The following BLACAT1 variants were observed in gnomAD, a reference collection of about 807,000 sequenced individuals.
BLACAT1 encodes the protein BLACAT1 overlapping LEMD1 locus.
At chr1:205,445,239 C>T (rs1408936463) in intron 1 of BLACAT1, among the ~76,000 whole-genome samples, 1 of 152,190 alleles carries the variant, frequency 6.6e-6, no homozygotes, top group African/African-American at 2.4e-5. Flanking sequence ...CACCCCTTCC[C>T]CCAAAGCCTA....
rs1666373173 is a variant in BLACAT1, at chr1:205,445,508, A to C, written c.-36-4446T>G. 3.3e-5 allele frequency among the ~76,000 whole-genome samples: 5 copies of C among 152,356 alleles called. No homozygotes were observed. The South Asian group carries it at 1.0e-3, about 32-fold the overall frequency. On this transcript the variant is annotated intron_variant, in intron 1 of 1. Coordinates refer to ENST00000629624, the Ensembl canonical transcript of BLACAT1. ...ATCACAGGCCAAGGCCTCTGCCTCC[A>C]ATGGCCTTCAGAGACCACAGACCCT...
intron 1 of BLACAT1, among the ~76,000 whole-genome samples, chr1:205,445,063 C>A (rs994954324): frequency 6.6e-6 from 1 of 152,164 alleles, no homozygotes; most frequent in Non-Finnish European, 1.5e-5. Flanking sequence ...TTCATCACTG[C>A]GAAGGGAAGC....
At chr1:205,447,053 C>T (rs773085766) in intron 1 of BLACAT1, among the ~76,000 whole-genome samples, 7 of 152,242 alleles carry the variant, frequency 4.6e-5, no homozygotes, top group Admixed American at 1.3e-4. Context: ...AACAACCTCC[C>T]GTCTGGGTAC....
intron 1 of BLACAT1, among the ~76,000 whole-genome samples, chr1:205,445,115 C>T (rs1337065302): frequency 2.0e-5 from 3 of 151,964 alleles, no homozygotes; most frequent in Non-Finnish European, 4.4e-5. Context: ...TTAGCTCGGG[C>T]GGTGGAGCAG....
At chr1:205,444,895 C>T (rs556235259) in intron 1 of BLACAT1, among the ~76,000 whole-genome samples, 26 of 151,606 alleles carry the variant, frequency 1.7e-4, no homozygotes, top group Admixed American at 1.6e-3. Context: ...TCCCCGCCAC[C>T]CCCCACCCCA....
chr1:205,439,445 C>A (rs559154470), downstream of BLACAT1, among the ~76,000 whole-genome samples: 5 of 152,362 alleles, frequency 3.3e-5, no homozygotes, highest in African/African-American at 1.2e-4. Flanking sequence ...CCAGGAAAGG[C>A]CCCTGAGTGT....
rs1275183131 is a variant in BLACAT1 at position 205,450,610 on chromosome 1, C to T, written c.-37+5307G>A. On this transcript the variant is annotated intron_variant, in intron 1 of 1. Coordinates refer to ENST00000629624, the Ensembl canonical transcript of BLACAT1. The surrounding 1 kb of genome is among the most constrained non-coding windows in gnomAD (Gnocchi z 4.4). ...CCTGGCCCCCTCCACCCACCCTCAC[C>T]CAGTCCTGCGCTCGGATTCCCAGCC... Among the ~76,000 whole-genome samples, 1 of 152,112 alleles carries T rather than the reference C, an allele frequency of 6.6e-6. No individual in the cohort carries two copies. Among genetic ancestry groups the T allele is most frequent in the Non-Finnish European group, 1.5e-5 (1 of 68,020 alleles).
At chr1:205,449,199 G>T (rs1276586173) in intron 1 of BLACAT1, among the ~76,000 whole-genome samples, 1 of 152,174 alleles carries the variant, frequency 6.6e-6, no homozygotes, top group Non-Finnish European at 1.5e-5. Flanking sequence ...TCTAGGACTG[G>T]ATTGAAGAGC....
At chr1:205,451,114 C>T (rs897094925) in intron 1 of BLACAT1, among the ~76,000 whole-genome samples, 2 of 152,178 alleles carry the variant, frequency 1.3e-5, no homozygotes, top group Non-Finnish European at 2.9e-5. Context: ...CCTCACAGGG[C>T]CACTGGAACA....
At chr1:205,453,426 C>G (rs953906437) in intron 1 of BLACAT1, among the ~76,000 whole-genome samples, 2 of 152,166 alleles carry the variant, frequency 1.3e-5, no homozygotes, top group African/African-American at 4.8e-5. Context: ...AGCTTGGGAG[C>G]CCCCAGCCCC....
At chr1:205,445,733 T>A (rs1353224106) in intron 1 of BLACAT1, among the ~76,000 whole-genome samples, 1 of 152,194 alleles carries the variant, frequency 6.6e-6, no homozygotes, top group Admixed American at 6.5e-5. Flanking sequence ...CGGCAGAGGC[T>A]GGCCCACCGT....
At chr1:205,446,892 T>A (rs1432398526) in intron 1 of BLACAT1, among the ~76,000 whole-genome samples, 1 of 152,218 alleles carries the variant, frequency 6.6e-6, no homozygotes. Context: ...CCCAGCTGGC[T>A]TGGGATTTCT....
chr1:205,439,797 C>T (rs752062218), downstream of BLACAT1, among the ~76,000 whole-genome samples: 5 of 152,110 alleles, frequency 3.3e-5, no homozygotes, highest in Non-Finnish European at 5.9e-5. Context: ...CTTCTAGCCC[C>T]GGAGAACTCC....
downstream of BLACAT1, among the ~76,000 whole-genome samples, chr1:205,438,844 T>C (rs561145788): frequency 6.6e-5 from 10 of 152,232 alleles, no homozygotes; most frequent in South Asian, 4.1e-4. Context: ...GCTCTCTGGA[T>C]GGGCTCACTG....
intron 1 of BLACAT1, among the ~76,000 whole-genome samples, chr1:205,443,501 A>G (rs986032501): frequency 3.9e-5 from 6 of 152,164 alleles, no homozygotes; most frequent in Admixed American, 2.0e-4. Context: ...AGAGGAAAGG[A>G]GAGCTAATGA....
chr1:205,446,295 C>T (rs1666387042), intron 1 of BLACAT1, among the ~76,000 whole-genome samples: 1 of 152,234 alleles, frequency 6.6e-6, no homozygotes, highest in Admixed American at 6.5e-5. Context: ...AGGCCCAGCC[C>T]CAGCAAAGCG....
intron 1 of BLACAT1, among the ~76,000 whole-genome samples, chr1:205,443,566 G>A (rs1184538673): frequency 6.6e-6 from 1 of 152,154 alleles, no homozygotes; most frequent in Non-Finnish European, 1.5e-5. Flanking sequence ...AGGTGTTCGA[G>A]GGCTGGCTGC....
intron 1 of BLACAT1, among the ~76,000 whole-genome samples, chr1:205,453,716 T>C (rs1178143462): frequency 6.6e-6 from 1 of 152,126 alleles, no homozygotes; most frequent in Non-Finnish European, 1.5e-5. Context: ...AGCCTCTGCA[T>C]CTGATCTCCA....
intron 1 of BLACAT1, among the ~76,000 whole-genome samples, chr1:205,447,463 T>C (rs1666412017): frequency 6.6e-6 from 1 of 152,078 alleles, no homozygotes; most frequent in African/African-American, 2.4e-5. Context: ...TTAGACAGAC[T>C]GGGGACTGGA....
Sources: allele counts gnomAD v4.1 joint callset (sites outside exome capture counted in the v4.1 genomes callset), GRCh38; gene constraint gnomAD v4.1.1; non-coding constraint Gnocchi (gnomAD v3.1); transcripts MANE v1.5; gene names NCBI Gene and HGNC (gene_info 2026-07-23, HGNC 2026-07-21).